Variants in IQSEC1 observed in about 807,000 individuals in gnomAD.
IQSEC1 encodes IQ motif and Sec7 domain ArfGEF 1, also known as IQ motif and SEC7 domain-containing protein 1.
A neutral mutation model predicts 91.0 loss-of-function variants in IQSEC1; 31 were observed. The ratio of observed to expected loss-of-function variants is 0.34; its 90% CI spans 0.26 to 0.46. IQSEC1 has a LOEUF of 0.46. Among genes scored for constraint, IQSEC1 ranks in the 20% least tolerant of loss-of-function variants. IQSEC1 has a pLI of 1.00. For synonymous variants in IQSEC1, 699 were observed against 662.6 expected (o/e 1.05, Z -0.84); for missense variants, 1,388 against 1,575.6 (o/e 0.88, Z 2.02).
At chr3:12,954,442 G>A (rs1484074754) in intron 1 of IQSEC1, among the ~76,000 whole-genome samples, 2 of 152,204 alleles carry the variant, frequency 1.3e-5, no homozygotes, top group African/African-American at 2.4e-5. Context: ...GAGGCCCTGG[G>A]GCATGTGGAT....
rs57476135 is a variant in IQSEC1 at position 13,151,732 on chromosome 3, G to A, written c.302+12372C>T. Among the ~76,000 whole-genome samples the A allele has an allele frequency of 3.9e-5, 6 of 152,284 alleles. No individual in the cohort carries two copies. In the East Asian group the frequency reaches 5.8e-4, roughly 15 times the overall value. ...TGTAATCCCAGCACTTTGGGAGGCC[G>A]AGGCGGGAGGATCACCTGAGGTCAG... On this transcript the variant is annotated intron_variant, in intron 2 of 15. Transcript: ENST00000648114.
chr3:12,912,557 G>A (rs369268435), intron 9 of IQSEC1, among the ~76,000 whole-genome samples: 1 of 152,044 alleles, frequency 6.6e-6, no homozygotes, highest in Non-Finnish European at 1.5e-5. Flanking sequence ...CCAGCTACTC[G>A]GGAGGCTGAG....
intron 2 of IQSEC1, among the ~76,000 whole-genome samples, chr3:13,148,725 G>T (rs972230333): frequency 1.3e-5 from 2 of 152,214 alleles, no homozygotes; most frequent in African/African-American, 2.4e-5. Flanking sequence ...TCCATGCCTG[G>T]CCCCTGCAGG....
chr3:12,920,878 A>G (rs1191717883), intron 5 of IQSEC1, among the ~76,000 whole-genome samples: 2 of 152,096 alleles, frequency 1.3e-5, no homozygotes, highest in African/African-American at 2.4e-5. Flanking sequence ...CATTCAGCCC[A>G]TGGGATGTGA....
chr3:13,257,799 G>A (rs1695317826), intron 1 of IQSEC1, among the ~76,000 whole-genome samples: 1 of 152,186 alleles, frequency 6.6e-6, no homozygotes, highest in South Asian at 2.1e-4. Flanking sequence ...CTGCCACACG[G>A]CCCAGCAATC....
intron 2 of IQSEC1, among the ~76,000 whole-genome samples, chr3:13,162,741 C>T (rs1328808063): frequency 1.3e-5 from 2 of 152,166 alleles, no homozygotes; most frequent in African/African-American, 4.8e-5. Flanking sequence ...GAGCTTTCTC[C>T]ATCGTGCACC....
intron 1 of IQSEC1, among the ~76,000 whole-genome samples, chr3:13,234,531 C>A (rs1364674365): frequency 1.5e-4 from 23 of 152,194 alleles, no homozygotes. Context: ...TAAGTACCCC[C>A]CTACCCCATG....
rs151325971 is a variant in IQSEC1 at position 13,005,760 on chromosome 3, A to G, written c.24-63895T>C. Among the ~76,000 whole-genome samples, 27 of 152,284 alleles carry G rather than the reference A, an allele frequency of 1.8e-4. 1 individual carries two copies. The East Asian group carries it at 4.4e-3, about 25-fold the overall frequency. ...TCTGGAGGCTTCGTAGGGACGGGGAATGGAAATGGCCCTGAAGGTGAGCCA... is the reference window on the plus strand; with the variant it reads ...TCTGGAGGCTTCGTAGGGACGGGGAGTGGAAATGGCCCTGAAGGTGAGCCA... On this transcript the variant is annotated intron_variant, in intron 1 of 13. Transcript: ENST00000613206.
chr3:13,003,276 CAAAAAAA>C (rs56239928), intron 1 of IQSEC1, among the ~76,000 whole-genome samples: 6 of 57,108 alleles, frequency 1.1e-4, no homozygotes, highest in Admixed American at 7.4e-4. Context: ...CTGTCTCTAC[CAAAAAAA>C]AAAAAAAAAA....
intron 1 of IQSEC1, among the ~76,000 whole-genome samples, chr3:13,166,006 G>GTAT (rs1693488231): frequency 6.6e-6 from 1 of 152,184 alleles, no homozygotes; most frequent in Non-Finnish European, 1.5e-5. Context: ...CTGTGGACTG[G>GTAT]TCACCCAGGC....
At chr3:13,091,619 C>T (rs889226726) in intron 2 of IQSEC1, among the ~76,000 whole-genome samples, 4 of 152,172 alleles carry the variant, frequency 2.6e-5, no homozygotes, top group Admixed American at 6.5e-5. Flanking sequence ...CCAGGTGGGA[C>T]GGGCCCACAA....
chr3:12,938,961 G>A (rs990050498), intron 2 of IQSEC1, among the ~76,000 whole-genome samples: 11 of 152,196 alleles, frequency 7.2e-5, no homozygotes, highest in Non-Finnish European at 1.2e-4. Context: ...CAAACTTACC[G>A]TGGGTCATTC....
intron 1 of IQSEC1, among the ~76,000 whole-genome samples, chr3:12,998,707 G>T (rs928430700): frequency 6.6e-6 from 1 of 152,216 alleles, no homozygotes; most frequent in Non-Finnish European, 1.5e-5. Context: ...TGCATATGTT[G>T]TCTCTGACAA....
chr3:13,064,937 G>A (rs907575811), intron 1 of IQSEC1, among the ~76,000 whole-genome samples: 2 of 152,230 alleles, frequency 1.3e-5, no homozygotes, highest in African/African-American at 2.4e-5. Context: ...TGACCTGGAC[G>A]GAGAGCCAGC....
intron 2 of IQSEC1, among the ~76,000 whole-genome samples, chr3:13,146,313 A>G (rs542214580): frequency 2.0e-5 from 3 of 152,236 alleles, no homozygotes; most frequent in Admixed American, 1.3e-4. Flanking sequence ...AGACATAAAT[A>G]CTATCCCTTC....
chr3:13,247,653 G>A (rs546780483), intron 1 of IQSEC1, among the ~76,000 whole-genome samples: 39 of 152,150 alleles, frequency 2.6e-4, no homozygotes, highest in Non-Finnish European at 5.9e-5. Context: ...TTACAGTCTC[G>A]ATGCCATCAC....
At chr3:13,265,385 G>T (rs1321929441) in intron 1 of IQSEC1, among the ~76,000 whole-genome samples, 2 of 152,164 alleles carry the variant, frequency 1.3e-5, no homozygotes, top group Admixed American at 6.5e-5. Context: ...GCCCCAGGGG[G>T]ACCCACCTCC....
chr3:12,906,316 A>G (rs950522982), intron 12 of IQSEC1, among the ~76,000 whole-genome samples: 1 of 152,008 alleles, frequency 6.6e-6, no homozygotes, highest in African/African-American at 2.4e-5. Flanking sequence ...AGGTGGGGCC[A>G]TGCTGCCGCT....
intron 1 of IQSEC1, among the ~76,000 whole-genome samples, chr3:13,172,078 C>T (rs1288968326): frequency 6.6e-6 from 1 of 152,202 alleles, no homozygotes; most frequent in East Asian, 1.9e-4. Flanking sequence ...CACACGAGCC[C>T]ATAGCCAGAA....
Sources: gnomAD v4.1 joint callset for allele counts (sites outside exome capture counted in the v4.1 genomes callset) on GRCh38, gnomAD v4.1.1 for gene constraint, MANE v1.5 for transcripts, NCBI Gene and HGNC (gene_info 2026-07-23, HGNC 2026-07-21) for gene names.